Variants in RBFOX1 observed in about 807,000 individuals in gnomAD.
RBFOX1 encodes RNA binding fox-1 homolog 1.
In RBFOX1, 8 loss-of-function variants were observed where a neutral mutation model predicts 57.7. The ratio of observed to expected loss-of-function variants is 0.14; its 90% CI spans 0.08 to 0.25. The LOEUF is 0.25. Among genes scored for constraint, RBFOX1 ranks in the 10% least tolerant of loss-of-function variants. The probability of loss-of-function intolerance (pLI) is 1.00; values close to 1 mark genes in which losing one functional copy is unlikely to be tolerated. For missense variants in RBFOX1, 611 were observed against 548.5 expected, an observed-to-expected ratio of 1.11 and a Z score of -1.14; for synonymous variants, 326 against 222.4, an observed-to-expected ratio of 1.47 and a Z score of -4.15.
At chr16:5,454,819 C>G (rs1417104562) in intron 1 of RBFOX1, among the ~76,000 whole-genome samples, 1 of 116,930 alleles carries the variant, frequency 8.6e-6, no homozygotes, top group Non-Finnish European at 1.8e-5. Flanking sequence ...CTTTCCTTTC[C>G]TTTCTTTCCT....
intron 1 of RBFOX1, among the ~76,000 whole-genome samples, chr16:5,355,663 C>T (rs537046915): frequency 1.3e-5 from 2 of 152,160 alleles, no homozygotes; most frequent in Non-Finnish European, 2.9e-5. Context: ...CAAAATAGGT[C>T]CAAGTCCTAA....
intron 1 of RBFOX1, among the ~76,000 whole-genome samples, chr16:6,215,327 G>A (rs532429583): frequency 6.9e-6 from 1 of 145,376 alleles, no homozygotes; most frequent in East Asian, 2.1e-4. Context: ...GAGACAGAGA[G>A]GGGAGGGGGA....
At chr16:5,807,560 C>T (rs2055272087) in intron 3 of RBFOX1, among the ~76,000 whole-genome samples, 1 of 152,110 alleles carries the variant, frequency 6.6e-6, no homozygotes, top group Non-Finnish European at 1.5e-5. Context: ...TCATTATAGC[C>T]TCGTTATAAC....
At chr16:6,482,628 A>C (rs1350510356) in intron 2 of RBFOX1, among the ~76,000 whole-genome samples, 1 of 152,250 alleles carries the variant, frequency 6.6e-6, no homozygotes, top group African/African-American at 2.4e-5. Context: ...ACCTCAGCGC[A>C]TTCTCATTTA....
chr16:7,053,297 C>A (rs1271666756), intron 4 of RBFOX1, among the ~76,000 whole-genome samples: 1 of 152,192 alleles, frequency 6.6e-6, no homozygotes, highest in Non-Finnish European at 1.5e-5. Flanking sequence ...CCTCTCTACC[C>A]ACTTTCCTCC....
At chr16:6,430,178 G>A (rs1462573278) in intron 2 of RBFOX1, among the ~76,000 whole-genome samples, 2 of 151,874 alleles carry the variant, frequency 1.3e-5, no homozygotes, top group Non-Finnish European at 2.9e-5. Context: ...CCCAGTCCCA[G>A]GTATGTCTTT....
At chr16:6,277,688 G>A (rs920552428) in intron 1 of RBFOX1, among the ~76,000 whole-genome samples, 20 of 140,532 alleles carry the variant, frequency 1.4e-4, no homozygotes, top group East Asian at 6.4e-4. Flanking sequence ...AAAAAAAAAT[G>A]TCCATTTTCC....
At chr16:6,803,263 A>T (rs918182508) in intron 3 of RBFOX1, among the ~76,000 whole-genome samples, 4 of 152,184 alleles carry the variant, frequency 2.6e-5, no homozygotes, top group African/African-American at 9.6e-5. Flanking sequence ...ATGAAAGTGC[A>T]AACTTCAATT....
chr16:6,875,121 C>G (rs546015572), intron 3 of RBFOX1, among the ~76,000 whole-genome samples: 76 of 152,244 alleles, frequency 5.0e-4, no homozygotes, highest in African/African-American at 1.7e-3. Context: ...CTGTGTTACC[C>G]TAAGTTGCTT....
chr16:5,995,933 C>G (rs1567234122), intron 4 of RBFOX1, among the ~76,000 whole-genome samples: 1 of 152,148 alleles, frequency 6.6e-6, no homozygotes, highest in African/African-American at 2.4e-5. Context: ...GAGGCAGTCT[C>G]CAAGATTGAT....
chr16:6,282,521 A>ATGCTCTCCC (rs1250324444), intron 1 of RBFOX1, among the ~76,000 whole-genome samples: 1 of 151,688 alleles, frequency 6.6e-6, no homozygotes, highest in African/African-American at 2.4e-5. Flanking sequence ...ATTTGTCCTA[A>ATGCTCTCCC]TGCTCTCCCG....
chr16:6,370,618 C>A (rs866341177), intron 2 of RBFOX1, among the ~76,000 whole-genome samples: 1 of 152,092 alleles, frequency 6.6e-6, no homozygotes, highest in Non-Finnish European at 1.5e-5. Context: ...CTACTTATTT[C>A]AGGTACCTAG....
chr16:5,749,520 G>C (rs2053114680), intron 3 of RBFOX1, among the ~76,000 whole-genome samples: 1 of 152,022 alleles, frequency 6.6e-6, no homozygotes. Context: ...ATGTAGATTT[G>C]GTCTTTTCAC....
At chr16:6,995,175 C>A (rs539914471) in intron 3 of RBFOX1, among the ~76,000 whole-genome samples, 1 of 152,140 alleles carries the variant, frequency 6.6e-6, no homozygotes, top group African/African-American at 2.4e-5. Context: ...ATTTCTCTTA[C>A]AGTGTGGCTT....
At chr16:7,314,042 G>GT (rs5815392) in intron 4 of RBFOX1, among the ~76,000 whole-genome samples, 1 of 151,880 alleles carries the variant, frequency 6.6e-6, no homozygotes, top group Non-Finnish European at 1.5e-5. Flanking sequence ...TCCCGATTTT[G>GT]TTTTTTTTAA....
chr16:7,359,147 A>G (rs561897373), intron 4 of RBFOX1, among the ~76,000 whole-genome samples: 10 of 152,290 alleles, frequency 6.6e-5, no homozygotes, highest in African/African-American at 2.2e-4. Context: ...ATTCCTAGCC[A>G]TCCGTGCAAA....
intron 11 of RBFOX1, among the ~76,000 whole-genome samples, chr16:7,653,293 G>T (rs1045179706): frequency 6.6e-6 from 1 of 152,114 alleles, no homozygotes; most frequent in East Asian, 1.9e-4. Context: ...TTGAACCCAG[G>T]ACTTCAAGAC....
intron 4 of RBFOX1, among the ~76,000 whole-genome samples, chr16:7,227,453 C>G (rs1030597371): frequency 1.1e-4 from 16 of 152,162 alleles, no homozygotes; most frequent in Non-Finnish European, 2.2e-4. Flanking sequence ...TAATAAAGCA[C>G]TTAAAAGTAT....
At chr16:7,197,440 G>GAAAAAAAAAAAAAAAAAAAAAAAAAAAAA (rs57893229) in intron 4 of RBFOX1, among the ~76,000 whole-genome samples, 2 of 91,324 alleles carry the variant, frequency 2.2e-5, no homozygotes, top group African/African-American at 4.3e-5. Flanking sequence ...CCTGTGAGTG[G>GAAAAAAAAAAAAAAAAAAAAAAAAAAAAA]AAAAAAAAAA....
Sources: gnomAD v4.1 joint callset for allele counts (sites outside exome capture counted in the v4.1 genomes callset) on GRCh38, gnomAD v4.1.1 for gene constraint, MANE v1.5 for transcripts, NCBI Gene and HGNC (gene_info 2026-07-23, HGNC 2026-07-21) for gene names.